Variants in ROBO1 observed in about 807,000 individuals in gnomAD.
ROBO1 encodes the protein roundabout guidance receptor 1, also known as roundabout homolog 1.
A neutral mutation model predicts 195.9 loss-of-function variants in ROBO1; 149 were observed. The observed-to-expected ratio is 0.76, with a 90% CI of 0.67 to 0.87. ROBO1 has a LOEUF of 0.87. Ranked by LOEUF, ROBO1 falls within the 40% of genes least tolerant of loss-of-function variation. The probability of loss-of-function intolerance (pLI) is 0.00; values close to 1 mark genes in which losing one functional copy is unlikely to be tolerated. For missense variants in ROBO1, 1,933 were observed against 2,068.3 expected, an observed-to-expected ratio of 0.93 and a Z score of 1.27; for synonymous variants, 816 against 733.2, an observed-to-expected ratio of 1.11 and a Z score of -1.82.
At chr3:79,183,080 C>CAAAAAAAAAAAAAAAAAAAAAAA (rs1304597488) in intron 2 of ROBO1, among the ~76,000 whole-genome samples, 17 of 64,818 alleles carry the variant, frequency 2.6e-4, no homozygotes, top group African/African-American at 8.6e-4. Flanking sequence ...GACTCCAACT[C>CAAAAAAAAAAAAAAAAAAAAAAA]AAAAAAAAAA....
intron 3 of ROBO1, among the ~76,000 whole-genome samples, chr3:79,075,736 A>T (rs546670172): frequency 8.4e-4 from 128 of 152,084 alleles, no homozygotes; most frequent in Admixed American, 1.6e-3. Context: ...CTAGAAATAC[A>T]TTAGAGGAAT....
At chr3:79,257,471 G>A (rs2082856141) in intron 2 of ROBO1, among the ~76,000 whole-genome samples, 1 of 152,028 alleles carries the variant, frequency 6.6e-6, no homozygotes, top group South Asian at 2.1e-4. Flanking sequence ...CCATTAATTA[G>A]TCCACAGTGA....
intron 3 of ROBO1, among the ~76,000 whole-genome samples, chr3:78,947,041 C>G (rs866067316): frequency 1.3e-5 from 2 of 152,128 alleles, no homozygotes; most frequent in Non-Finnish European, 2.9e-5. Flanking sequence ...TAGTGACCTA[C>G]AAAGAGACTT....
At chr3:79,619,007 T>G (rs1450621670) in intron 1 of ROBO1, among the ~76,000 whole-genome samples, 1 of 152,250 alleles carries the variant, frequency 6.6e-6, no homozygotes, top group Non-Finnish European at 1.5e-5. Context: ...TGCGGACACC[T>G]GCCTTGATCA....
rs149414958 is a variant in ROBO1 at position 79,734,816 on chromosome 3, G to A, written c.-51+32936C>T. Among the ~76,000 whole-genome samples the A allele has an allele frequency of 1.7e-3, 255 of 151,792 alleles. 1 individual carries two copies. The highest frequency in any genetic ancestry group is 5.8e-3 in the African/African-American group (240 of 41,522). The stretch of plus-strand genomic sequence containing the variant: ...GCTGCCAGTCTGTGGACCACACTAA[G>A]AGTAACGACCCTCTCAATCACAATG... On this transcript the variant is annotated intron_variant, in intron 1 of 30. Coordinates refer to ENST00000464233, the MANE Select transcript of ROBO1 (RefSeq NM_002941.4).
At chr3:78,848,973 C>T (rs1448259411) in intron 4 of ROBO1, among the ~76,000 whole-genome samples, 1 of 151,932 alleles carries the variant, frequency 6.6e-6, no homozygotes, top group East Asian at 1.9e-4. Flanking sequence ...GGATGAGAGG[C>T]TGGACATATG....
In ROBO1 at chr3:79,433,541, T is replaced by C. The variant is rs138747431; in HGVS notation, c.88+156283A>G. ...AGCCTAAAGAGTAGCTGGCTACAGG[T>C]GTGCACCACCAGACCCACCTAATTA... On this transcript the variant is annotated intron_variant, in intron 2 of 30. Coordinates refer to ENST00000464233, the MANE Select transcript of ROBO1 (RefSeq NM_002941.4). Among the ~76,000 whole-genome samples, 492 of 152,068 alleles carry C rather than the reference T, an allele frequency of 3.2e-3. 3 individuals are homozygous for C. The highest frequency in any genetic ancestry group is 0.017 in the Middle Eastern group (5 of 294).
intron 2 of ROBO1, among the ~76,000 whole-genome samples, chr3:79,575,435 T>G (rs1267612892): frequency 1.5e-5 from 2 of 131,354 alleles, no homozygotes; most frequent in Admixed American, 8.5e-5. Context: ...TAAATATATA[T>G]ATAACAAATA....
intron 2 of ROBO1, among the ~76,000 whole-genome samples, chr3:79,284,100 A>T (rs567133532): frequency 1.1e-4 from 17 of 152,158 alleles, no homozygotes; most frequent in Admixed American, 9.8e-4. Context: ...ATGTATATAT[A>T]CATGCATATA....
intron 3 of ROBO1, among the ~76,000 whole-genome samples, chr3:79,055,839 T>C (rs2078797145): frequency 6.6e-6 from 1 of 152,010 alleles, no homozygotes; most frequent in South Asian, 2.1e-4. Context: ...ACAATGAAAA[T>C]CTGACACACC....
intron 3 of ROBO1, among the ~76,000 whole-genome samples, chr3:78,945,992 A>C (rs1576446836): frequency 6.6e-6 from 1 of 152,148 alleles, no homozygotes; most frequent in African/African-American, 2.4e-5. Context: ...AAAAGAAATC[A>C]ACAAAGCCTC....
At chr3:78,961,359 T>C (rs578212647) in intron 3 of ROBO1, among the ~76,000 whole-genome samples, 67 of 152,342 alleles carry the variant, frequency 4.4e-4, no homozygotes, top group Admixed American at 4.2e-3. Context: ...AGAATGCTTG[T>C]TCTGACTTAG....
chr3:79,729,318 G>T (rs1257469532), intron 1 of ROBO1, among the ~76,000 whole-genome samples: 1 of 152,174 alleles, frequency 6.6e-6, no homozygotes, highest in Non-Finnish European at 1.5e-5. Flanking sequence ...GCCTCTGGCT[G>T]AGGGAAAGTT....
At chr3:79,392,227 A>G (rs934698928) in intron 2 of ROBO1, among the ~76,000 whole-genome samples, 1 of 152,214 alleles carries the variant, frequency 6.6e-6, no homozygotes, top group Non-Finnish European at 1.5e-5. Flanking sequence ...GGCAACCTCA[A>G]TGTGTCCCTC....
intron 4 of ROBO1, among the ~76,000 whole-genome samples, chr3:78,773,513 T>A (rs1200705397): frequency 6.6e-6 from 1 of 152,168 alleles, no homozygotes; most frequent in Admixed American, 6.5e-5. Context: ...ATCCATACCA[T>A]AAGTCATCTA....
At chr3:79,503,429 A>C (rs1940220548) in intron 2 of ROBO1, among the ~76,000 whole-genome samples, 1 of 152,204 alleles carries the variant, frequency 6.6e-6, no homozygotes, top group South Asian at 2.1e-4. Flanking sequence ...TCATTCTTGA[A>C]GTCAGTGAGA....
chr3:79,172,944 T>C (rs1352482917), intron 2 of ROBO1, among the ~76,000 whole-genome samples: 2 of 152,164 alleles, frequency 1.3e-5, no homozygotes, highest in African/African-American at 4.8e-5. Flanking sequence ...TCCTAGAAGA[T>C]ACTTCTTATA....
chr3:78,726,711 TAAC>T (rs2082170391), intron 5 of ROBO1, among the ~76,000 whole-genome samples: 1 of 152,240 alleles, frequency 6.6e-6, no homozygotes, highest in South Asian at 2.1e-4. Flanking sequence ...CGTGGCTTCT[TAAC>T]AACAATGAGA....
intron 1 of ROBO1, among the ~76,000 whole-genome samples, chr3:79,728,145 C>A (rs200187496): frequency 7.3e-5 from 10 of 137,522 alleles, no homozygotes; most frequent in East Asian, 6.6e-4. Flanking sequence ...TCCCCCCCCC[C>A]ACAGGAAATT....
Sources: gnomAD v4.1 joint callset for allele counts (sites outside exome capture counted in the v4.1 genomes callset) on GRCh38, gnomAD v4.1.1 for gene constraint, MANE v1.5 for transcripts, NCBI Gene and HGNC (gene_info 2026-07-23, HGNC 2026-07-21) for gene names.